WSCD1: variants seen among roughly 807,000 people sequenced by gnomAD.
WSCD1 encodes the protein WSC domain sialate O sulfotransferase 1.
WSCD1 carries 41 observed loss-of-function variants against 60.4 expected under a neutral mutation model. The ratio of observed to expected loss-of-function variants is 0.68; its 90% CI spans 0.53 to 0.88. WSCD1 has a LOEUF of 0.88. Among genes scored for constraint, WSCD1 ranks in the 40% least tolerant of loss-of-function variants. The pLI, the probability that WSCD1 is intolerant of heterozygous loss-of-function variation, is 0.00. For missense variants in WSCD1, 784 were observed against 796.2 expected, an observed-to-expected ratio of 0.98 and a Z score of 0.18; for synonymous variants, 361 against 332.5, an observed-to-expected ratio of 1.09 and a Z score of -0.93.
At chr17:6,116,731 A>G (rs1460792057) in intron 7 of WSCD1, among the ~76,000 whole-genome samples, 1 of 152,258 alleles carries the variant, frequency 6.6e-6, no homozygotes, top group Non-Finnish European at 1.5e-5. Context: ...TTCCAGATTC[A>G]AAAGAGACTT....
intron 5 of WSCD1, among the ~76,000 whole-genome samples, chr17:6,099,303 T>G (rs1910646160): frequency 6.6e-6 from 1 of 152,064 alleles, no homozygotes; most frequent in African/African-American, 2.4e-5. Flanking sequence ...GATCATGAGT[T>G]CAAGAGATTG....
Position 6,075,246 on chromosome 17 carries a change from G to A in WSCD1, c.-289+4594G>A, listed in dbSNP as rs1035072165. Among the ~76,000 whole-genome samples, 5 of 152,170 alleles carry A rather than the reference G, an allele frequency of 3.3e-5. No individual in the cohort carries two copies. The highest frequency in any genetic ancestry group is 7.4e-5 in the Non-Finnish European group (5 of 68,018). On this transcript the variant is annotated intron_variant, in intron 1 of 8. Coordinates refer to ENST00000317744, the MANE Select transcript of WSCD1 (RefSeq NM_015253.2). The surrounding 1 kb of genome is among the most constrained non-coding windows in gnomAD (Gnocchi z 4.1). ...GCTGAGATCCTTCTGGGGATGTCTG[G>A]TGTCATTTTCCCTTCAGCTGCCTCT...
intron 2 of WSCD1, among the ~76,000 whole-genome samples, chr17:6,086,758 C>T (rs5023683): frequency 0.2 from 30,168 of 152,082 alleles, 3,490 homozygotes; most frequent in Non-Finnish European, 0.27. Context: ...GGCCACTCAG[C>T]AGTGGCCCCA....
At chr17:6,099,454 G>T (rs1910655895) in intron 5 of WSCD1, among the ~76,000 whole-genome samples, 2 of 151,948 alleles carry the variant, frequency 1.3e-5, no homozygotes, top group African/African-American at 4.8e-5. Context: ...GGCAGAGGTT[G>T]CAGTGAGCCG....
At chr17:6,102,974 C>A (rs1024531210) in intron 5 of WSCD1, among the ~76,000 whole-genome samples, 2 of 152,130 alleles carry the variant, frequency 1.3e-5, no homozygotes, top group African/African-American at 2.4e-5. Context: ...TTATATGAGC[C>A]CTTTTAAGAC....
chr17:6,108,135 C>T (rs1911204287), intron 5 of WSCD1, among the ~76,000 whole-genome samples: 1 of 152,150 alleles, frequency 6.6e-6, no homozygotes, highest in Admixed American at 6.5e-5. Context: ...AGATACCTGC[C>T]CTCCCGCCAA....
intron 5 of WSCD1, among the ~76,000 whole-genome samples, chr17:6,105,269 C>T (rs1057068636): frequency 1.3e-5 from 2 of 152,216 alleles, no homozygotes; most frequent in Non-Finnish European, 2.9e-5. Context: ...GCATATCTTT[C>T]TGCCCTCGGA....
chr17:6,111,137 C>T (rs1567560647), intron 7 of WSCD1, among the ~76,000 whole-genome samples: 2 of 152,160 alleles, frequency 1.3e-5, no homozygotes, highest in Non-Finnish European at 2.9e-5. Context: ...CCATCCACAA[C>T]AAAGTTACGC....
In WSCD1 at chr17:6,118,099, G is replaced by A; in HGVS notation, c.1286G>A (p.Arg429Gln). The A allele has an allele frequency of 5.0e-6, 8 of 1,614,182 alleles. No individual in the cohort carries two copies. Among genetic ancestry groups the A allele is most frequent in the Middle Eastern group, 1.7e-4 (1 of 6,058 alleles). ...EMFDSAILLI[R>Q]NPYRSLVAEF... ...TTTGATTCAGCCATCCTGCTAATCC[G>A]GAACCCATACAGGTCCCTGGTGGCA... Residue 429 changes from arginine to glutamine, a missense_variant, in exon 8 of 9, where the codon CGG (arginine) becomes CAG (glutamine). Arg to Gln is a conservative substitution (Grantham distance 43). Coordinates refer to ENST00000317744, the MANE Select transcript of WSCD1 (RefSeq NM_015253.2). This position sits in a 1 kb window ranked among gnomAD's most constrained non-coding sequence, Gnocchi z 5.8.
At chr17:6,083,727 C>T (rs559984365) in intron 2 of WSCD1, among the ~76,000 whole-genome samples, 7 of 152,026 alleles carry the variant, frequency 4.6e-5, no homozygotes, top group South Asian at 2.1e-4. Context: ...TGCAGTGAGC[C>T]GAGATCGCGC....
rs370804351 is a variant in WSCD1 at position 6,122,369 on chromosome 17, G to A, written c.*1708G>A. ...GGGATTCCCCCAAACCCACACTGAT[G>A]CGAAGCTGTTCTTGACCCTCCCATA... On this transcript the variant is annotated 3_prime_UTR_variant, in exon 9 of 9. Transcript: ENST00000317744. 3 of 152,374 alleles carry A rather than the reference G, an allele frequency of 2.0e-5. No homozygotes were observed. The highest frequency in any genetic ancestry group is 3.9e-4 in the East Asian group (2 of 5,178). 9.4% of individuals were successfully genotyped at this position (152,374 alleles called of 1,614,324 possible). A position where few individuals can be genotyped will look rare whatever the true frequency, so the allele number is the denominator to read the frequency against.
chr17:6,110,631 T>C lies in WSCD1; in HGVS notation c.1010-140T>C. On this transcript the variant is annotated intron_variant, in intron 6 of 8. Transcript: ENST00000317744. The surrounding 1 kb of genome is among the most constrained non-coding windows in gnomAD (Gnocchi z 4.8). ...GTGCAGCTAAGGTATATTTGGAAGATCTCTTCCCTTCTTTGGGCCTTGGTT... is the reference window on the plus strand; with the variant it reads ...GTGCAGCTAAGGTATATTTGGAAGACCTCTTCCCTTCTTTGGGCCTTGGTT... 1 of 1,155,052 alleles carries C rather than the reference T, an allele frequency of 8.7e-7. No homozygotes were observed. Among genetic ancestry groups the C allele is most frequent in the South Asian group, 1.5e-5 (1 of 64,858 alleles). The allele number at this position is 1,155,052 out of a possible 1,614,324, so 71.6% of individuals were successfully genotyped here. A position where few individuals can be genotyped will look rare whatever the true frequency, so the allele number is the denominator to read the frequency against.
intron 5 of WSCD1, among the ~76,000 whole-genome samples, chr17:6,095,721 G>C (rs375492668): frequency 2.6e-4 from 40 of 152,228 alleles, no homozygotes; most frequent in African/African-American, 9.6e-4. Flanking sequence ...CACTGACCCC[G>C]CATTGCATGG....
intron 7 of WSCD1, among the ~76,000 whole-genome samples, chr17:6,116,962 A>G (rs1165453748): frequency 6.6e-6 from 1 of 152,218 alleles, no homozygotes; most frequent in African/African-American, 2.4e-5. Context: ...GAAGTCTTCT[A>G]GGACATCCCA....
rs576123227 is a variant in WSCD1 at position 6,120,391 on chromosome 17, G to A, written c.1458G>A (p.Leu486=). The change falls in exon 9 of 9, where the codon CTG becomes CTA. Residue 486 remains leucine (L), a synonymous_variant. Coordinates refer to ENST00000317744, the MANE Select transcript of WSCD1 (RefSeq NM_015253.2). ...GGCTCAAGTACGGGAAGCGGCTGCT[G>A]GTGGTGCACTACGAGGAGCTGCGGC... ...LDWLKYGKRL[L]VVHYEELRRS... 1 of 1,614,044 alleles carries A rather than the reference G, an allele frequency of 6.2e-7. No individual in the cohort carries two copies. The highest frequency in any genetic ancestry group is 1.3e-5 in the African/African-American group (1 of 75,060).
Position 6,123,830 on chromosome 17 carries a change from C to A in WSCD1, c.*3169C>A, listed in dbSNP as rs564891008. 6.6e-6 allele frequency: 1 copy of A among 152,198 alleles called. No homozygotes were observed. Among genetic ancestry groups the A allele is most frequent in the Non-Finnish European group, 1.5e-5 (1 of 68,044 alleles). The allele number at this position is 152,198 out of a possible 1,614,324, so 9.4% of individuals were successfully genotyped here. On this transcript the variant is annotated 3_prime_UTR_variant, in exon 9 of 9. Transcript: ENST00000317744. ...AAGTAGAGTGGAAATAATGTAGAGT[C>A]GTCAGACTGAAAGGCCAGGTTGTAG...
Position 6,088,058 on chromosome 17 carries a change from T to C in WSCD1, c.496T>C (p.Leu166=), listed in dbSNP as rs1186386079. 2 of 1,614,154 alleles carry C rather than the reference T, an allele frequency of 1.2e-6. No homozygotes were observed. Among genetic ancestry groups the C allele is most frequent in the South Asian group, 1.1e-5 (1 of 91,086 alleles). The part of the protein sequence containing the change: ...RTLKGAVFYD[L]RKMTVSHCQD... ...TCTGAAAGGAGCTGTGTTTTATGAC[T>C]TGAGAAAGATGACTGTCTCCCACTG... Residue 166 remains leucine, a synonymous_variant, in exon 3 of 9, where the codon TTG becomes CTG. Coordinates refer to ENST00000317744, the MANE Select transcript of WSCD1 (RefSeq NM_015253.2).
chr17:6,080,832 C>A lies in WSCD1; in HGVS notation c.174C>A (p.Ala58=). Residue 58 remains alanine (A), a synonymous_variant, in exon 2 of 9, where the codon GCC becomes GCA. Transcript: ENST00000317744. The surrounding 1 kb of genome is among the most constrained non-coding windows in gnomAD (Gnocchi z 6.6). The stretch of plus-strand genomic sequence containing the variant: ...GCCCCCTGCAGACCTTGCCAGTGGC[C>A]GCCGTGGCGCTGGGCGTGGGCTTGC... ...APGPLQTLPV[A]AVALGVGLLD... The A allele has an allele frequency of 6.2e-7, 1 of 1,608,020 alleles. No homozygotes were observed.
intron 7 of WSCD1, among the ~76,000 whole-genome samples, chr17:6,117,409 C>T (rs1354329915): frequency 6.6e-6 from 1 of 152,174 alleles, no homozygotes; most frequent in Non-Finnish European, 1.5e-5. Flanking sequence ...TGGATCTATA[C>T]CTGCTCACAG....
Sources: allele counts gnomAD v4.1 joint callset (sites outside exome capture counted in the v4.1 genomes callset), GRCh38; gene constraint gnomAD v4.1.1; non-coding constraint Gnocchi (gnomAD v3.1); transcripts MANE v1.5; gene names NCBI Gene and HGNC (gene_info 2026-07-23, HGNC 2026-07-21).